Variants in HMOX2 observed in about 807,000 individuals in gnomAD.
HMOX2 encodes the protein heme oxygenase (decycling) 2.
In HMOX2, 30 loss-of-function variants were observed where a neutral mutation model predicts 33.7. That is an observed-to-expected ratio of 0.89 (90% CI 0.67 to 1.21). The LOEUF (loss-of-function observed/expected upper bound fraction) is 1.21, where lower values mean the gene tolerates loss of function less well. Ranked by LOEUF, HMOX2 falls within the 50% of genes most tolerant of loss-of-function variation. HMOX2 has a pLI of 0.00. For synonymous variants in HMOX2, 155 were observed against 155.0 expected (o/e 1.00, Z 0.00); for missense variants, 403 against 399.1 (o/e 1.01, Z -0.08).
chr16:4,506,623 A>C (rs957979058), intron 2 of HMOX2, among the ~76,000 whole-genome samples: 1 of 152,208 alleles, frequency 6.6e-6, no homozygotes, highest in African/African-American at 2.4e-5. Context: ...GTGGTTCCCA[A>C]CACAGACACA....
chr16:4,505,474 G>C lies in HMOX2; in HGVS notation c.-41-10G>C. The C allele has an allele frequency of 7.1e-7, 1 of 1,410,702 alleles. No homozygotes were observed. Among genetic ancestry groups the C allele is most frequent in the Non-Finnish European group, 9.8e-7 (1 of 1,020,496 alleles). The allele number at this position is 1,410,702 out of a possible 1,614,324, so 87.4% of individuals were successfully genotyped here. The stretch of plus-strand genomic sequence containing the variant: ...GGGTGCCACATCACCAGCTCCTTGT[G>C]TCTCTGCAGGACCAGAGGAGCGAGA... On this transcript the variant is annotated splice_polypyrimidine_tract_variant and intron_variant, in intron 1 of 5. Coordinates refer to ENST00000570646, the MANE Select transcript of HMOX2 (RefSeq NM_002134.4).
Position 4,506,926 on chromosome 16 carries a change from G to C in HMOX2, c.118G>C (p.Gly40Arg), listed in dbSNP as rs533385221. The change falls in exon 3 of 6, where the codon GGG becomes CGG. Residue 40 changes from glycine to arginine, a missense_variant. Transcript: ENST00000570646. The part of the protein sequence containing the change: ...MADLSELLKE[G>R]TKEAHDRAEN... ...TGACCTCTCGGAGCTCCTGAAGGAA[G>C]GGACCAAGGAAGCACACGACCGGGC... is the stretch of plus-strand genomic sequence containing the variant. 2 of 1,614,080 alleles carry C rather than the reference G, an allele frequency of 1.2e-6. No individual in the cohort carries two copies. The highest frequency in any genetic ancestry group is 3.3e-5 in the Admixed American group (2 of 60,014).
intron 1 of HMOX2, among the ~76,000 whole-genome samples, chr16:4,484,462 T>C (rs1432851742): frequency 1.9e-5 from 2 of 102,626 alleles, no homozygotes; most frequent in Non-Finnish European, 3.3e-5. Context: ...TTTCTTTTCT[T>C]TTTTTTTTTT....
chr16:4,488,353 C>T (rs958730453), intron 1 of HMOX2, among the ~76,000 whole-genome samples: 38 of 152,216 alleles, frequency 2.5e-4, no homozygotes, highest in African/African-American at 8.9e-4. Context: ...TCTGGGAACT[C>T]TTGGGAATTA....
At chr16:4,488,825 CT>C (rs36017534) in intron 1 of HMOX2, 82,522 of 130,354 alleles carry the variant, frequency 0.63, 25,235 homozygotes, top group Non-Finnish European at 0.69. Flanking sequence ...CTGTACATTT[CT>C]TTTTTTTTTT....
At chr16:4,489,782 T>C (rs1217079205) in intron 1 of HMOX2, among the ~76,000 whole-genome samples, 10 of 152,052 alleles carry the variant, frequency 6.6e-5, no homozygotes, top group African/African-American at 2.4e-4. Flanking sequence ...TTTATAATTT[T>C]TGGGGGGAGG....
upstream of HMOX2, chr16:4,475,007 A>AGT (rs1320512536): frequency 6.6e-6 from 1 of 151,982 alleles, no homozygotes; most frequent in East Asian, 1.9e-4. Context: ...GCTGGTGTGC[A>AGT]GTGGCGCGAT....
chr16:4,498,714 C>T (rs1248771532), intron 1 of HMOX2, among the ~76,000 whole-genome samples: 1 of 152,168 alleles, frequency 6.6e-6, no homozygotes, highest in Non-Finnish European at 1.5e-5. Context: ...ATTTATTCTT[C>T]CGTTCAGTGA....
At chr16:4,483,207 G>T in intron 1 of HMOX2, among the ~76,000 whole-genome samples, 2 of 70,248 alleles carry the variant, frequency 2.8e-5, no homozygotes, top group Admixed American at 1.7e-4. Flanking sequence ...GTGTGTGTGT[G>T]TGTGTGTGTG....
At chr16:4,492,452 G>A (rs1029134699) in intron 1 of HMOX2, among the ~76,000 whole-genome samples, 4 of 152,132 alleles carry the variant, frequency 2.6e-5, no homozygotes, top group African/African-American at 9.7e-5. Context: ...GGGTGTGGTG[G>A]CTCACAGCTA....
intron 1 of HMOX2, among the ~76,000 whole-genome samples, chr16:4,483,972 A>AT (rs1189634511): frequency 3.0e-4 from 30 of 100,080 alleles, no homozygotes; most frequent in East Asian, 1.3e-3. Context: ...TATGCCCAAA[A>AT]ATTTTTTTTT....
intron 1 of HMOX2, among the ~76,000 whole-genome samples, chr16:4,478,701 G>A (rs1482518542): frequency 6.6e-6 from 1 of 151,598 alleles, no homozygotes; most frequent in African/African-American, 2.4e-5. Context: ...GGAGGCAGAG[G>A]TTGCGATGAG....
upstream of HMOX2, among the ~76,000 whole-genome samples, chr16:4,475,476 A>T (rs78386763): frequency 0.12 from 17,503 of 149,954 alleles, 2,110 homozygotes; most frequent in African/African-American, 0.3. Context: ...CCCGGCTAAA[A>T]TTTTTTTGTA....
chr16:4,488,868 A>G (rs901233064), intron 1 of HMOX2: 1 of 147,388 alleles, frequency 6.8e-6, no homozygotes. Context: ...TCTGTCACCC[A>G]GGCTGGAGTG....
chr16:4,489,121 C>CA (rs888322734), intron 1 of HMOX2, among the ~76,000 whole-genome samples: 1 of 152,116 alleles, frequency 6.6e-6, no homozygotes, highest in Non-Finnish European at 1.5e-5. Flanking sequence ...GACCATAAAA[C>CA]AAAATCTAAA....
chr16:4,483,809 A>C (rs1204447334), intron 1 of HMOX2: 3 of 151,462 alleles, frequency 2.0e-5, no homozygotes, highest in Non-Finnish European at 4.4e-5. Context: ...ACGGGGTTTC[A>C]CCATATTAAC....
chr16:4,490,852 C>T (rs566623474), intron 1 of HMOX2, among the ~76,000 whole-genome samples: 46 of 152,166 alleles, frequency 3.0e-4, no homozygotes, highest in African/African-American at 9.9e-4. Flanking sequence ...TTTTGTGGTC[C>T]GGCAGGGTTT....
At chr16:4,491,536 C>A (rs1414853160) in intron 1 of HMOX2, among the ~76,000 whole-genome samples, 2 of 151,842 alleles carry the variant, frequency 1.3e-5, no homozygotes, top group African/African-American at 4.8e-5. Flanking sequence ...CCTGTAGTCC[C>A]AGGTACTTGG....
At chr16:4,494,265 G>A (rs994074966) in intron 1 of HMOX2, among the ~76,000 whole-genome samples, 1 of 150,730 alleles carries the variant, frequency 6.6e-6, no homozygotes, top group South Asian at 2.1e-4. Context: ...GCAGTGAGCC[G>A]AGATAGCACC....
Sources: gnomAD v4.1 joint callset for allele counts (sites outside exome capture counted in the v4.1 genomes callset) on GRCh38, gnomAD v4.1.1 for gene constraint, MANE v1.5 for transcripts, NCBI Gene and HGNC (gene_info 2026-07-23, HGNC 2026-07-21) for gene names.